The following DRAXIN variants were observed in gnomAD, a reference collection of about 807,000 sequenced individuals.
DRAXIN encodes dorsal repulsive axon guidance protein.
DRAXIN carries 27 observed loss-of-function variants against 33.9 expected under a neutral mutation model. The observed-to-expected ratio is 0.80, with a 90% CI of 0.59 to 1.10. The LOEUF (loss-of-function observed/expected upper bound fraction) is 1.10, where lower values mean the gene tolerates loss of function less well. DRAXIN is among the 50% of genes least tolerant of loss of function. DRAXIN has a pLI of 0.00. For synonymous variants in DRAXIN, 178 were observed against 194.0 expected, an observed-to-expected ratio of 0.92 and a Z score of 0.69; for missense variants, 371 against 460.8, an observed-to-expected ratio of 0.81 and a Z score of 1.78.
chr1:11,718,658 G>T (rs547438894), intron 6 of DRAXIN, among the ~76,000 whole-genome samples: 1 of 152,182 alleles, frequency 6.6e-6, no homozygotes, highest in East Asian at 1.9e-4. Flanking sequence ...TGTAGAGATA[G>T]GGTCTCCCTA....
rs1429574453 is a variant in DRAXIN, at chr1:11,719,685, A to G, written c.1039A>G (p.Ile347Val). Residue 347 changes from isoleucine (I) to valine (V), a missense_variant, in exon 7 of 7, where the codon ATC becomes GTC. Physicochemically the swap from Ile to Val is conservative, Grantham distance 29. Transcript: ENST00000294485. ...GGCCAACGGCGACCAGGGATCCTTC[A>G]TCAACGTCTAGCGGCCCCGCGGGAC... Reference protein sequence around the residue: ...ETANGDQGSFINV With the variant: ...ETANGDQGSFVNV The G allele has an allele frequency of 1.9e-6, 3 of 1,613,846 alleles. No individual in the cohort carries two copies. The highest frequency in any genetic ancestry group is 2.5e-6 in the Non-Finnish European group (3 of 1,179,902).
rs1641073670 is a variant in DRAXIN, at chr1:11,691,776, G to A, written c.-88G>A. The A allele has an allele frequency of 1.3e-5, 2 of 150,502 alleles. No homozygotes were observed. The highest frequency in any genetic ancestry group is 2.4e-5 in the African/African-American group (1 of 40,966). 9.3% of individuals were successfully genotyped at this position (150,502 alleles called of 1,614,324 possible). On this transcript the variant is annotated 5_prime_UTR_variant, in exon 1 of 7. Coordinates refer to ENST00000294485, the MANE Select transcript of DRAXIN (RefSeq NM_198545.4). Reference sequence around the variant, plus strand: ...CCTCTCCACGCCGGCCCCGTTCCGCGGCTCGCCCTCGGCTGCGCTCGGCTC... The same window carrying A: ...CCTCTCCACGCCGGCCCCGTTCCGCAGCTCGCCCTCGGCTGCGCTCGGCTC...
rs1465165993 is a variant in DRAXIN, at chr1:11,692,148, C to T, written c.-11+295C>T. Among the ~76,000 whole-genome samples, 2 of 152,208 alleles carry T rather than the reference C, an allele frequency of 1.3e-5. No homozygotes were observed. The highest frequency in any genetic ancestry group is 2.9e-5 in the Non-Finnish European group (2 of 68,024). Reference sequence around the variant, plus strand: ...CCACGCTCTGACACTCGGCCTCGCGCGCGCCCTCGCCGCCCTCTGGGGTCC... The same window carrying T: ...CCACGCTCTGACACTCGGCCTCGCGTGCGCCCTCGCCGCCCTCTGGGGTCC... On this transcript the variant is annotated intron_variant, in intron 1 of 6. Coordinates refer to ENST00000294485, the MANE Select transcript of DRAXIN (RefSeq NM_198545.4). This position sits in a 1 kb window ranked among gnomAD's most constrained non-coding sequence, Gnocchi z 5.8.
intron 6 of DRAXIN, among the ~76,000 whole-genome samples, chr1:11,718,573 C>G (rs1268128857): frequency 6.6e-6 from 1 of 152,166 alleles, no homozygotes; most frequent in Non-Finnish European, 1.5e-5. Flanking sequence ...AAAGGATCCT[C>G]TCATGTTAGC....
At position 11,719,025 on chromosome 1, in the gene DRAXIN, C is replaced by T. The variant is rs138535750; in HGVS notation, c.938-559C>T. 3.1e-3 allele frequency among the ~76,000 whole-genome samples: 478 copies of T among 152,224 alleles called. 4 individuals are homozygous for T. The highest frequency in any genetic ancestry group is 0.011 in the African/African-American group (459 of 41,540). On this transcript the variant is annotated intron_variant, in intron 6 of 6. Coordinates refer to ENST00000294485, the MANE Select transcript of DRAXIN (RefSeq NM_198545.4). Reference sequence around the variant, plus strand: ...ATGTGATTCTCCTGCCTCAGCCTCCCAAGTAACGGGGATTACAGGCACCCA... The same window carrying T: ...ATGTGATTCTCCTGCCTCAGCCTCCTAAGTAACGGGGATTACAGGCACCCA...
chr1:11,697,042 T>TAA (rs3073070), intron 1 of DRAXIN, among the ~76,000 whole-genome samples: 5 of 140,306 alleles, frequency 3.6e-5, no homozygotes, highest in East Asian at 2.0e-4. Context: ...TCTTAATAAT[T>TAA]AAAAAAAAAA....
chr1:11,706,100 C>A lies in DRAXIN; in HGVS notation c.-10-149C>A. 1.2e-6 allele frequency: 1 copy of A among 802,300 alleles called. No homozygotes were observed. The highest frequency in any genetic ancestry group is 1.9e-6 in the Non-Finnish European group (1 of 533,482). The allele number at this position is 802,300 out of a possible 1,614,324, so 49.7% of individuals were successfully genotyped here. ...CAGTAGCACTCCCCAGTTTTGACAA[C>A]TAAAATATGTCTTCGGGCATTGCCA... On this transcript the variant is annotated intron_variant, in intron 1 of 6. Transcript: ENST00000294485. This position sits in a 1 kb window ranked among gnomAD's most constrained non-coding sequence, Gnocchi z 5.5.
intron 1 of DRAXIN, among the ~76,000 whole-genome samples, chr1:11,701,541 T>C (rs1557687860): frequency 6.6e-6 from 1 of 152,200 alleles, no homozygotes; most frequent in Non-Finnish European, 1.5e-5. Context: ...ATTTGTTTTG[T>C]TTTTAATGAT....
In DRAXIN at chr1:11,696,515, G is replaced by A. The variant is rs1025020646; in HGVS notation, c.-11+4662G>A. 3.3e-5 allele frequency among the ~76,000 whole-genome samples: 5 copies of A among 152,102 alleles called. No homozygotes were observed. Among genetic ancestry groups the A allele is most frequent in the African/African-American group, 1.2e-4 (5 of 41,414 alleles). ...GCAGGAGAATCGCTTGAACCTGGGA[G>A]GCGGAGGTTGCAGTTAGCTGAGATT... On this transcript the variant is annotated intron_variant, in intron 1 of 6. Coordinates refer to ENST00000294485, the MANE Select transcript of DRAXIN (RefSeq NM_198545.4). This position sits in a 1 kb window ranked among gnomAD's most constrained non-coding sequence, Gnocchi z 4.7.
intron 3 of DRAXIN, among the ~76,000 whole-genome samples, chr1:11,709,721 C>T (rs745917512): frequency 2.6e-5 from 4 of 152,184 alleles, no homozygotes; most frequent in South Asian, 2.1e-4. Context: ...AGGAGGCAAG[C>T]GGTAGCTCAG....
chr1:11,702,747 C>CT (rs33972819), intron 1 of DRAXIN, among the ~76,000 whole-genome samples: 40,701 of 145,442 alleles, frequency 0.28, 5,825 homozygotes, highest in East Asian at 0.43. Context: ...GGTATGAATT[C>CT]TTTTTTTTTT....
chr1:11,694,005 C>G lies in DRAXIN; in HGVS notation c.-11+2152C>G, dbSNP rs1215431225. On this transcript the variant is annotated intron_variant, in intron 1 of 6. Coordinates refer to ENST00000294485, the MANE Select transcript of DRAXIN (RefSeq NM_198545.4). This position sits in a 1 kb window ranked among gnomAD's most constrained non-coding sequence, Gnocchi z 4.9. ...CCTCCTCTGAGCTTTTGCTAGGGCT[C>G]TTTCTGCCCTGCCCTGTGTTTGATC... Among the ~76,000 whole-genome samples, 1 of 152,194 alleles carries G rather than the reference C, an allele frequency of 6.6e-6. No individual in the cohort carries two copies. The highest frequency in any genetic ancestry group is 1.5e-5 in the Non-Finnish European group (1 of 68,032).
At chr1:11,690,072 C>T (rs896683577), upstream of DRAXIN, among the ~76,000 whole-genome samples, 10 of 152,058 alleles carry the variant, frequency 6.6e-5, no homozygotes, top group African/African-American at 2.4e-4. This position sits in a 1 kb window ranked among gnomAD's most constrained non-coding sequence, Gnocchi z 4.2. Flanking sequence ...TGTAAAACAA[C>T]ACCTCGTCCC....
chr1:11,688,286 A>G (rs997815661), upstream of DRAXIN, among the ~76,000 whole-genome samples: 29 of 152,158 alleles, frequency 1.9e-4, no homozygotes, highest in African/African-American at 6.5e-4. This position sits in a 1 kb window ranked among gnomAD's most constrained non-coding sequence, Gnocchi z 4.6. Context: ...GTGGCCGGGC[A>G]CGGTGGCTCA....
rs568662558 is a variant in DRAXIN, at chr1:11,704,426, C to A, written c.-10-1823C>A. On this transcript the variant is annotated intron_variant, in intron 1 of 6. Transcript: ENST00000294485. This position sits in a 1 kb window ranked among gnomAD's most constrained non-coding sequence, Gnocchi z 4.6. ...AAGCAGGATTGAGGTTCCCTCTGCG[C>A]CGAACAATGCTTGAGTGACAGGCCT... Among the ~76,000 whole-genome samples the A allele has an allele frequency of 4.7e-3, 717 of 152,274 alleles. 8 individuals are homozygous for A. Among genetic ancestry groups the A allele is most frequent in the Non-Finnish European group, 4.8e-3 (328 of 68,032 alleles).
chr1:11,713,765 G>C (rs1445612348), intron 5 of DRAXIN, among the ~76,000 whole-genome samples: 3 of 152,222 alleles, frequency 2.0e-5, no homozygotes, highest in Non-Finnish European at 4.4e-5. Context: ...GCTTGGCTGG[G>C]TGCGGTGGCT....
chr1:11,686,701 C>T, the DRAXIN span, among the ~76,000 whole-genome samples: 2 of 151,834 alleles, frequency 1.3e-5, no homozygotes, highest in Non-Finnish European at 2.9e-5. Flanking sequence ...CTGCGCCCGG[C>T]CCAGAGACAC....
rs549868216 is a variant in DRAXIN, at chr1:11,694,827, T to C, written c.-11+2974T>C. Among the ~76,000 whole-genome samples, 42 of 152,256 alleles carry C rather than the reference T, an allele frequency of 2.8e-4. No individual in the cohort carries two copies. The highest frequency in any genetic ancestry group is 9.9e-4 in the African/African-American group (41 of 41,542). ...GGGAGGATGGCTGAATCCTTGCCAG[T>C]AGAGGCTCTGCCACCCCAGGTTCCA... is the stretch of plus-strand genomic sequence containing the variant. On this transcript the variant is annotated intron_variant, in intron 1 of 6. Coordinates refer to ENST00000294485, the MANE Select transcript of DRAXIN (RefSeq NM_198545.4). The surrounding 1 kb of genome is among the most constrained non-coding windows in gnomAD (Gnocchi z 4.9).
At chr1:11,688,574 A>T (rs78228745), upstream of DRAXIN, among the ~76,000 whole-genome samples, 22,727 of 151,782 alleles carry the variant, frequency 0.15, 1,883 homozygotes, top group South Asian at 0.21. The surrounding 1 kb of genome is among the most constrained non-coding windows in gnomAD (Gnocchi z 4.6). Context: ...AAAAAAAAAG[A>T]AAAAGCAATC....
Sources: allele counts gnomAD v4.1 joint callset (sites outside exome capture counted in the v4.1 genomes callset), GRCh38; gene constraint gnomAD v4.1.1; non-coding constraint Gnocchi (gnomAD v3.1); transcripts MANE v1.5; gene names NCBI Gene and HGNC (gene_info 2026-07-23, HGNC 2026-07-21).